QPCTL: variants seen among roughly 807,000 people sequenced by gnomAD.
QPCTL encodes glutaminyl-peptide cyclotransferase like, also known as glutaminyl-peptide cyclotransferase-like protein.
A neutral mutation model predicts 34.6 loss-of-function variants in QPCTL; 31 were observed. The ratio of observed to expected loss-of-function variants is 0.90; its 90% confidence interval spans 0.67 to 1.21. The LOEUF (loss-of-function observed/expected upper bound fraction) is 1.21. Among genes scored for constraint, QPCTL ranks in the 50% most tolerant of loss-of-function variants. The pLI, the probability that QPCTL is intolerant of heterozygous loss-of-function variation, is 0.00. For missense variants in QPCTL, 474 were observed against 507.8 expected, an observed-to-expected ratio of 0.93 and a Z score of 0.64; for synonymous variants, 223 against 226.9, an observed-to-expected ratio of 0.98 and a Z score of 0.15.
intron 2 of QPCTL, among the ~76,000 whole-genome samples, chr19:45,693,857 A>T (rs1319790294): frequency 6.6e-6 from 1 of 152,218 alleles, no homozygotes; most frequent in Non-Finnish European, 1.5e-5. Context: ...CACATTGCAC[A>T]AATCCTACAG....
rs936751872 is a variant in QPCTL at position 45,698,577 on chromosome 19, T to G, written c.664T>G (p.Leu222Val). The G allele has an allele frequency of 4.4e-5, 71 of 1,614,026 alleles. No individual in the cohort carries two copies. The highest frequency in any genetic ancestry group is 5.8e-5 in the Non-Finnish European group (69 of 1,180,018). ...AAPVTLQLLF[L>V]DGEEALKEWG... is the part of the protein sequence containing the mutation. ...CCCGGTGACCCTGCAACTGCTCTTC[T>G]TGGATGGTGAAGAGGCGCTGAAGGA... The change falls in exon 4 of 7, where the codon TTG becomes GTG. Residue 222 changes from leucine to valine, a missense_variant. Transcript: ENST00000012049.
intron 5 of QPCTL, among the ~76,000 whole-genome samples, chr19:45,700,034 G>A (rs916519149): frequency 1.1e-4 from 17 of 151,634 alleles, no homozygotes; most frequent in South Asian, 2.1e-4. Context: ...CTGGGAGGTC[G>A]AGGCTGCAGT....
chr19:45,695,213 G>A (rs574312356), intron 2 of QPCTL, among the ~76,000 whole-genome samples: 131 of 152,078 alleles, frequency 8.6e-4, no homozygotes, highest in African/African-American at 2.9e-3. Flanking sequence ...TTGAAGCCAG[G>A]AGGCAGAGGT....
intron 5 of QPCTL, among the ~76,000 whole-genome samples, chr19:45,700,251 C>T (rs1479408702): frequency 6.6e-6 from 1 of 151,980 alleles, no homozygotes; most frequent in Non-Finnish European, 1.5e-5. Context: ...TTGAGACCAG[C>T]CTGGCGAATA....
Position 45,695,424 on chromosome 19 carries a change from C to T in QPCTL, c.352-13C>T. 1.3e-6 allele frequency: 2 copies of T among 1,596,772 alleles called. No homozygotes were observed. The highest frequency in any genetic ancestry group is 1.7e-6 in the Non-Finnish European group (2 of 1,168,594). ...AGTCCCCGTCCACCCTCCCACCTCT[C>T]TCTTGCCGCTAGTTCCTGGAGGCCA... On this transcript the variant is annotated splice_polypyrimidine_tract_variant and intron_variant, in intron 2 of 6. Coordinates refer to ENST00000012049, the MANE Select transcript of QPCTL (RefSeq NM_017659.4).
At chr19:45,694,120 C>A (rs1046648206) in intron 2 of QPCTL, among the ~76,000 whole-genome samples, 1 of 152,184 alleles carries the variant, frequency 6.6e-6, no homozygotes, top group Non-Finnish European at 1.5e-5. Flanking sequence ...TGGTTCACAC[C>A]TCTAATCCCA....
In QPCTL at chr19:45,698,576, C is replaced by T. The variant is rs753632119; in HGVS notation, c.663C>T (p.Phe221=). 18 of 1,614,024 alleles carry T rather than the reference C, an allele frequency of 1.1e-5. No homozygotes were observed. The highest frequency in any genetic ancestry group is 1.5e-5 in the Non-Finnish European group (18 of 1,180,026). Residue 221 remains phenylalanine, a synonymous_variant, in exon 4 of 7, where the codon TTC becomes TTT. Coordinates refer to ENST00000012049, the MANE Select transcript of QPCTL (RefSeq NM_017659.4). The part of the protein sequence containing the change: ...QAAPVTLQLL[F]LDGEEALKEW... ...CCCCGGTGACCCTGCAACTGCTCTT[C>T]TTGGATGGTGAAGAGGCGCTGAAGG... is the stretch of plus-strand genomic sequence containing the variant.
At chr19:45,695,749 G>A in intron 3 of QPCTL, 31 bp downstream of exon 3, 2 of 1,549,214 alleles carry the variant, frequency 1.3e-6, no homozygotes, top group South Asian at 1.2e-5. Context: ...AGGGTAGTGG[G>A]CTACCTCCAC....
At position 45,695,447 on chromosome 19, in the gene QPCTL, C is replaced by A; in HGVS notation, c.362C>A (p.Ala121Asp). ...GNLQVRKFLE[A>D]TLRSLTAGWH... ...CTCTCTTGCCGCTAGTTCCTGGAGG[C>A]CACGCTGCGGTCCCTGACAGCAGGT... The change falls in exon 3 of 7, where the codon GCC becomes GAC. Residue 121 changes from alanine to aspartate, a missense_variant. Transcript: ENST00000012049. 6.2e-7 allele frequency: 1 copy of A among 1,610,740 alleles called. No individual in the cohort carries two copies. Among genetic ancestry groups the A allele is most frequent in the South Asian group, 1.1e-5 (1 of 90,968 alleles).
chr19:45,701,463 A>G (rs943276896), intron 5 of QPCTL, among the ~76,000 whole-genome samples: 1 of 151,956 alleles, frequency 6.6e-6, no homozygotes, highest in Admixed American at 6.6e-5. Flanking sequence ...TTTAGTAGAG[A>G]CAGGGTTTCA....
chr19:45,692,952 T>G, intron 1 of QPCTL, 42 bp downstream of exon 1: 1 of 1,510,600 alleles, frequency 6.6e-7, no homozygotes, highest in Non-Finnish European at 8.9e-7. Context: ...GGACCCTCAT[T>G]CCCTCCCCGC....
chr19:45,697,897 G>T (rs1213867985), intron 3 of QPCTL, among the ~76,000 whole-genome samples: 2 of 152,118 alleles, frequency 1.3e-5, no homozygotes, highest in African/African-American at 4.8e-5. Flanking sequence ...CCCTTATTTA[G>T]TTATATGCCA....
At position 45,694,602 on chromosome 19, in the gene QPCTL, CTGGGATTA is replaced by C. The variant is rs547546913; in HGVS notation, c.352-834_352-827del. Among the ~76,000 whole-genome samples, 402 of 151,970 alleles carry C rather than the reference CTGGGATTA, an allele frequency of 2.6e-3. 1 individual carries two copies. The highest frequency in any genetic ancestry group is 3.5e-3 in the Non-Finnish European group (238 of 67,974). On this transcript the variant is annotated intron_variant, in intron 2 of 6. Coordinates refer to ENST00000012049, the MANE Select transcript of QPCTL (RefSeq NM_017659.4). ...TCTCATGCTTCAGCCTCCTGAGTAG[CTGGGATTA>C]CAGGTGTGCACCACCATGCCTGGCT...
Position 45,693,494 on chromosome 19 carries a change from T to A in QPCTL, c.289T>A (p.Tyr97Asn), listed in dbSNP as rs1253053295. ...GGATCCACAGCGTCTCTGGAGCACTTATCTGCGCCCCCTGCTGGTTGTGCG... is the reference window on the plus strand; with the variant it reads ...GGATCCACAGCGTCTCTGGAGCACTAATCTGCGCCCCCTGCTGGTTGTGCG... ...QLDPQRLWSTYLRPLLVVRTP... is the reference protein window; with the variant it reads ...QLDPQRLWSTNLRPLLVVRTP... The change falls in exon 2 of 7, where the codon TAT (tyrosine) becomes AAT (asparagine). Residue 97 changes from tyrosine (Y) to asparagine (N), a missense_variant. Tyr to Asn is a moderately radical substitution (Grantham distance 143). Transcript: ENST00000012049. 3 of 1,612,958 alleles carry A rather than the reference T, an allele frequency of 1.9e-6. No individual in the cohort carries two copies. In the African/African-American group the frequency reaches 4.0e-5, roughly 22 times the overall value.
Position 45,699,749 on chromosome 19 carries a change from GGC to G in QPCTL, c.886+851_886+852del, listed in dbSNP as rs1485012453. Among the ~76,000 whole-genome samples the G allele has an allele frequency of 3.3e-5, 5 of 152,012 alleles. No homozygotes were observed. In the East Asian group the frequency reaches 9.7e-4, roughly 29 times the overall value. On this transcript the variant is annotated intron_variant, in intron 5 of 6. Transcript: ENST00000012049. Reference sequence around the variant, plus strand: ...AGTTTGAGACCAGCCTGGCCAACAGGGCGAAACCCCATCTCTACTAAAAATAC... The same window carrying G: ...AGTTTGAGACCAGCCTGGCCAACAGGGAAACCCCATCTCTACTAAAAATAC...
chr19:45,698,481 G>A (rs1967744263), intron 3 of QPCTL, 66 bp from the exon 4 acceptor site: 1 of 1,586,548 alleles, frequency 6.3e-7, no homozygotes, highest in Non-Finnish European at 8.6e-7. Flanking sequence ...GGCAAGAAGT[G>A]TGGGTATGTT....
intron 6 of QPCTL, among the ~76,000 whole-genome samples, 169 bp downstream of exon 6, chr19:45,702,083 T>C (rs917737592): frequency 6.6e-6 from 1 of 152,134 alleles, no homozygotes; most frequent in Non-Finnish European, 1.5e-5. Context: ...CTTAGAGTAT[T>C]GTTGAGGGGA....
chr19:45,698,062 G>A (rs1967733655), intron 3 of QPCTL, among the ~76,000 whole-genome samples: 1 of 151,978 alleles, frequency 6.6e-6, no homozygotes, highest in Non-Finnish European at 1.5e-5. Flanking sequence ...GGCCAACATG[G>A]TGAAAGCTTG....
intron 3 of QPCTL, among the ~76,000 whole-genome samples, chr19:45,696,696 G>A (rs1967702194): frequency 1.3e-5 from 2 of 151,454 alleles, no homozygotes; most frequent in South Asian, 4.2e-4. Context: ...CCATGATCGT[G>A]CCACTGTATT....
Sources: gnomAD v4.1 joint callset for allele counts (sites outside exome capture counted in the v4.1 genomes callset) on GRCh38, gnomAD v4.1.1 for gene constraint, MANE v1.5 for transcripts, NCBI Gene and HGNC (gene_info 2026-07-23, HGNC 2026-07-21) for gene names.